The following RNF17 variants were observed in gnomAD, a reference collection of about 807,000 sequenced individuals.
RNF17 encodes spermatogenesis associated 23.
Under a neutral mutation model 200.5 loss-of-function variants are expected in RNF17, and 31 were observed. That is an observed-to-expected ratio of 0.15 (90% CI 0.12 to 0.21). The LOEUF is 0.21. RNF17 is among the 10% of genes least tolerant of loss of function. The probability of loss-of-function intolerance (pLI) is 1.00; values close to 1 mark genes in which losing one functional copy is unlikely to be tolerated. For synonymous variants in RNF17, 606 were observed against 637.8 expected (o/e 0.95, Z 0.75); for missense variants, 1,628 against 1,905.1 (o/e 0.85, Z 2.71).
intron 15 of RNF17, among the ~76,000 whole-genome samples, chr13:24,807,679 G>A (rs966906202): frequency 6.6e-6 from 1 of 151,878 alleles, no homozygotes; most frequent in African/African-American, 2.4e-5. Flanking sequence ...TTTGTCTTTT[G>A]TTGCCATTGC....
intron 5 of RNF17, among the ~76,000 whole-genome samples, chr13:24,780,559 C>T (rs1882208312): frequency 6.6e-6 from 1 of 152,152 alleles, no homozygotes; most frequent in Non-Finnish European, 1.5e-5. Flanking sequence ...AAAGTTTAAC[C>T]CATTCCAGCA....
downstream of RNF17, among the ~76,000 whole-genome samples, chr13:24,882,006 A>ATACATC (rs1251654051): frequency 2.5e-5 from 1 of 39,740 alleles, no homozygotes; most frequent in Non-Finnish European, 5.3e-5. Context: ...ATCTATATAG[A>ATACATC]TATATAGATA....
chr13:24,751,116 G>C, the RNF17 span: 1 of 151,994 alleles, frequency 6.6e-6, no homozygotes, highest in Admixed American at 6.5e-5. Flanking sequence ...AGTCATCAAG[G>C]CCATCCTTAA....
At chr13:24,847,068 T>C (rs1891334779) in intron 22 of RNF17, among the ~76,000 whole-genome samples, 1 of 152,136 alleles carries the variant, frequency 6.6e-6, no homozygotes, top group Non-Finnish European at 1.5e-5. Context: ...ATCTAGCTTA[T>C]TTGTATCTCA....
downstream of RNF17, chr13:24,884,172 C>T (rs1380709198): frequency 2.5e-6 from 4 of 1,614,042 alleles, no homozygotes; most frequent in Non-Finnish European, 3.4e-6. Context: ...TATTTGTCCA[C>T]TTGAGAAATG....
At chr13:24,828,624 A>C (rs1889022953) in intron 16 of RNF17, among the ~76,000 whole-genome samples, 1 of 142,764 alleles carries the variant, frequency 7.0e-6, no homozygotes, top group African/African-American at 3.1e-5. Flanking sequence ...GTTGTATCAC[A>C]ATTTTTCATT....
At chr13:24,768,435 C>T (rs1880108406) in intron 2 of RNF17, among the ~76,000 whole-genome samples, 1 of 152,016 alleles carries the variant, frequency 6.6e-6, no homozygotes, top group Non-Finnish European at 1.5e-5. Flanking sequence ...TAGGTCTGTG[C>T]CACCACGCCC....
At chr13:24,826,095 C>G in intron 16 of RNF17, 3 of 984,920 alleles carry the variant, frequency 3.0e-6, no homozygotes, top group Non-Finnish European at 3.6e-6. Flanking sequence ...TTTTGATTGT[C>G]AAGGTACAAA....
chr13:24,885,896 G>T, the RNF17 span: 1 of 539,400 alleles, frequency 1.9e-6, no homozygotes, highest in Non-Finnish European at 3.3e-6. Context: ...ACAATCCTGG[G>T]GAAGAGACAG....
the RNF17 span, among the ~76,000 whole-genome samples, chr13:24,887,751 T>C: frequency 6.6e-6 from 1 of 152,162 alleles, no homozygotes. Flanking sequence ...CCCCAGTCCA[T>C]GGAAAAATTG....
At chr13:24,873,761 T>TTA (rs909361840) in intron 32 of RNF17, among the ~76,000 whole-genome samples, 1 of 152,200 alleles carries the variant, frequency 6.6e-6, no homozygotes, top group Non-Finnish European at 1.5e-5. Flanking sequence ...AATCTCCTTG[T>TTA]TATCTTCATG....
intron 13 of RNF17, among the ~76,000 whole-genome samples, chr13:24,802,063 T>C (rs1482153400): frequency 6.6e-6 from 1 of 152,048 alleles, no homozygotes; most frequent in East Asian, 1.9e-4. Context: ...CTCGGCTCAC[T>C]GCAACCTCTG....
intron 25 of RNF17, among the ~76,000 whole-genome samples, chr13:24,858,596 T>TATA (rs1555287540): frequency 1.3e-5 from 1 of 79,278 alleles, no homozygotes; most frequent in Non-Finnish European, 3.2e-5. Context: ...ATATATATGT[T>TATA]TACTGTGGAA....
chr13:24,834,756 A>G lies in RNF17; in HGVS notation c.2482+2778A>G, dbSNP rs1456887804. 2.6e-5 allele frequency among the ~76,000 whole-genome samples: 4 copies of G among 152,166 alleles called. No individual in the cohort carries two copies. The East Asian group carries it at 7.7e-4, about 29-fold the overall frequency. ...TTCAGTGGGAGAGGAGCAGGATGTA[A>G]AACTCCACAGGGAGAAGGAAATCTC... On this transcript the variant is annotated intron_variant, in intron 18 of 35. Coordinates refer to ENST00000255324, the MANE Select transcript of RNF17 (RefSeq NM_031277.3).
At chr13:24,858,433 C>G (rs1892748846) in intron 25 of RNF17, among the ~76,000 whole-genome samples, 1 of 152,010 alleles carries the variant, frequency 6.6e-6, no homozygotes, top group South Asian at 2.1e-4. Context: ...GATGCTGTTT[C>G]ACCCAGAATA....
chr13:24,803,292 C>T (rs927607281), intron 14 of RNF17, among the ~76,000 whole-genome samples: 8 of 151,864 alleles, frequency 5.3e-5, no homozygotes, highest in Non-Finnish European at 1.0e-4. Flanking sequence ...TTTCTTTGTC[C>T]ATCATTTCTT....
chr13:24,831,177 A>T (rs1452218334), intron 17 of RNF17, among the ~76,000 whole-genome samples: 1 of 151,836 alleles, frequency 6.6e-6, no homozygotes, highest in African/African-American at 2.4e-5. Context: ...GCAGTGGCTC[A>T]TGCCTGTAAT....
At chr13:24,851,612 G>T in intron 24 of RNF17, 41 bp downstream of exon 24, 2 of 1,188,338 alleles carry the variant, frequency 1.7e-6, no homozygotes, top group South Asian at 1.3e-5. Flanking sequence ...AGTTTGTGAT[G>T]GATGCCTCAG....
intron 32 of RNF17, among the ~76,000 whole-genome samples, chr13:24,873,174 C>G (rs1290660977): frequency 7.0e-6 from 1 of 142,344 alleles, no homozygotes; most frequent in Non-Finnish European, 1.6e-5. Context: ...ATGGCCCACG[C>G]TAGAAGAGAC....
Sources: gnomAD v4.1 joint callset for allele counts (sites outside exome capture counted in the v4.1 genomes callset) on GRCh38, gnomAD v4.1.1 for gene constraint, MANE v1.5 for transcripts, NCBI Gene and HGNC (gene_info 2026-07-23, HGNC 2026-07-21) for gene names.